Variants in SDK1 observed in about 807,000 individuals in gnomAD.
SDK1 encodes protein sidekick-1.
In SDK1, 157 loss-of-function variants were observed where a neutral mutation model predicts 245.5. The ratio of observed to expected loss-of-function variants is 0.64; its 90% CI spans 0.56 to 0.73. The LOEUF (loss-of-function observed/expected upper bound fraction) is 0.73. Among genes scored for constraint, SDK1 ranks in the 30% least tolerant of loss-of-function variants. The probability of loss-of-function intolerance (pLI) is 0.00; values close to 1 mark genes in which losing one functional copy is unlikely to be tolerated. For synonymous variants in SDK1, 1,647 were observed against 1,278.5 expected, an observed-to-expected ratio of 1.29 and a Z score of -6.15; for missense variants, 3,583 against 3,002.3, an observed-to-expected ratio of 1.19 and a Z score of -4.52.
At chr7:3,766,844 A>G (rs770863210) in intron 4 of SDK1, among the ~76,000 whole-genome samples, 6 of 152,198 alleles carry the variant, frequency 3.9e-5, no homozygotes, top group Non-Finnish European at 7.3e-5. Context: ...GGAATTAAAG[A>G]TATAAATGAG....
chr7:3,484,680 C>T (rs1460736984), intron 1 of SDK1, among the ~76,000 whole-genome samples: 4 of 152,170 alleles, frequency 2.6e-5, no homozygotes, highest in Admixed American at 6.5e-5. Flanking sequence ...CCCTTCCTAG[C>T]CTCTGGGAAA....
At chr7:4,106,620 G>A (rs532716378) in intron 22 of SDK1, among the ~76,000 whole-genome samples, 1 of 152,312 alleles carries the variant, frequency 6.6e-6, no homozygotes, top group South Asian at 2.1e-4. Context: ...ACCGTGCAGT[G>A]GTTTCCCAGC....
intron 5 of SDK1, among the ~76,000 whole-genome samples, chr7:3,870,946 A>G (rs2115133454): frequency 6.6e-6 from 1 of 152,298 alleles, no homozygotes; most frequent in Non-Finnish European, 1.5e-5. Context: ...GTTATTTTGC[A>G]GAGATTATTT....
intron 1 of SDK1, among the ~76,000 whole-genome samples, chr7:3,482,911 A>G (rs1202690218): frequency 1.3e-5 from 2 of 152,194 alleles, no homozygotes; most frequent in East Asian, 3.8e-4. Flanking sequence ...AGTGCTAAGT[A>G]AACGTTAGCT....
At chr7:3,342,355 G>T (rs899730268) in intron 1 of SDK1, among the ~76,000 whole-genome samples, 3 of 152,156 alleles carry the variant, frequency 2.0e-5, no homozygotes, top group African/African-American at 7.2e-5. Context: ...TTGGGAGGCC[G>T]AAGTGGGTGG....
chr7:3,478,038 G>T (rs1252132047), intron 1 of SDK1, among the ~76,000 whole-genome samples: 2 of 152,030 alleles, frequency 1.3e-5, no homozygotes, highest in Non-Finnish European at 2.9e-5. Flanking sequence ...TACTCCTTAG[G>T]AAACTTTAGG....
At chr7:3,814,310 C>T (rs1368373363) in intron 4 of SDK1, among the ~76,000 whole-genome samples, 1 of 147,966 alleles carries the variant, frequency 6.8e-6, no homozygotes, top group African/African-American at 2.5e-5. Flanking sequence ...GGAAGGGATC[C>T]AGTTTCAGCT....
At chr7:3,593,396 A>G (rs1481588204) in intron 1 of SDK1, among the ~76,000 whole-genome samples, 1 of 152,196 alleles carries the variant, frequency 6.6e-6, no homozygotes, top group Admixed American at 6.5e-5. Flanking sequence ...TTCACCATGC[A>G]TCAGCTGCCC....
chr7:3,993,222 G>C (rs990551815), intron 14 of SDK1, among the ~76,000 whole-genome samples: 5 of 152,168 alleles, frequency 3.3e-5, no homozygotes, highest in African/African-American at 9.7e-5. Context: ...CTTGATATTT[G>C]GGAGAGGCCA....
At chr7:3,492,340 A>G (rs1220262108) in intron 1 of SDK1, among the ~76,000 whole-genome samples, 1 of 152,176 alleles carries the variant, frequency 6.6e-6, no homozygotes, top group Non-Finnish European at 1.5e-5. Context: ...TAAAAATAGA[A>G]AAAATTAGCC....
At chr7:3,555,344 T>C (rs932843758) in intron 1 of SDK1, among the ~76,000 whole-genome samples, 1 of 152,186 alleles carries the variant, frequency 6.6e-6, no homozygotes, top group Non-Finnish European at 1.5e-5. Flanking sequence ...GGACACTCTT[T>C]TCAGTAAATG....
At chr7:4,039,432 G>C (rs1428568791) in intron 17 of SDK1, among the ~76,000 whole-genome samples, 1 of 152,226 alleles carries the variant, frequency 6.6e-6, no homozygotes, top group South Asian at 2.1e-4. Flanking sequence ...AAAGTGGCCT[G>C]TAGGCCTTAA....
At chr7:3,446,844 A>G (rs1265495169) in intron 1 of SDK1, among the ~76,000 whole-genome samples, 1 of 152,140 alleles carries the variant, frequency 6.6e-6, no homozygotes, top group East Asian at 1.9e-4. Context: ...CTTTGAGATT[A>G]TTGCTTTCCC....
intron 42 of SDK1, among the ~76,000 whole-genome samples, chr7:4,240,632 A>G (rs953585243): frequency 6.6e-6 from 1 of 152,118 alleles, no homozygotes; most frequent in Admixed American, 6.5e-5. Context: ...CTTAGCAAAT[A>G]CCTGCCAAGC....
At chr7:3,479,423 A>G (rs113331375) in intron 1 of SDK1, among the ~76,000 whole-genome samples, 1 of 21,076 alleles carries the variant, frequency 4.7e-5, no homozygotes, top group Non-Finnish European at 9.6e-5. Context: ...CTGTGTCTCA[A>G]AAAAAAAAAA....
At chr7:3,959,277 A>G (rs1267057453) in intron 8 of SDK1, among the ~76,000 whole-genome samples, 1 of 152,148 alleles carries the variant, frequency 6.6e-6, no homozygotes, top group Non-Finnish European at 1.5e-5. Flanking sequence ...CCCCAGACAG[A>G]GAGGGGACTC....
chr7:3,946,102 G>C lies in SDK1; in HGVS notation c.848-4821G>C, dbSNP rs184640208. ...ATTATGAAGGAACTAACGCTATCAG[G>C]TATGCATGTCTAGAGTGAAAGGACC... On this transcript the variant is annotated intron_variant, in intron 5 of 44. Transcript: ENST00000404826. Among the ~76,000 whole-genome samples, 391 of 150,138 alleles carry C rather than the reference G, an allele frequency of 2.6e-3. 1 individual carries two copies. The highest frequency in any genetic ancestry group is 9.2e-3 in the African/African-American group (377 of 40,958).
intron 5 of SDK1, among the ~76,000 whole-genome samples, chr7:3,837,746 T>A (rs1780058001): frequency 6.6e-6 from 1 of 151,668 alleles, no homozygotes; most frequent in South Asian, 2.1e-4. Flanking sequence ...ATGTTACTGT[T>A]GTGACTGAGG....
chr7:4,168,373 T>C (rs1781628744), intron 32 of SDK1, among the ~76,000 whole-genome samples: 1 of 152,236 alleles, frequency 6.6e-6, no homozygotes, highest in African/African-American at 2.4e-5. Context: ...GCAAGGCGGA[T>C]TGGCCATTTC....
Sources: allele counts gnomAD v4.1 joint callset (sites outside exome capture counted in the v4.1 genomes callset), GRCh38; gene constraint gnomAD v4.1.1; transcripts MANE v1.5; gene names NCBI Gene and HGNC (gene_info 2026-07-23, HGNC 2026-07-21).